SLC9B1: variants seen among roughly 807,000 people sequenced by gnomAD.
The protein encoded by SLC9B1 is solute carrier family 9 member B1.
In SLC9B1, 32 loss-of-function variants were observed where a neutral mutation model predicts 51.7. That is an observed-to-expected ratio of 0.62 (90% CI 0.47 to 0.83). The LOEUF is 0.83. Among genes scored for constraint, SLC9B1 ranks in the 40% least tolerant of loss-of-function variants. SLC9B1 has a pLI of 0.00. For missense variants in SLC9B1, 406 were observed against 613.2 expected, an observed-to-expected ratio of 0.66 and a Z score of 3.57; for synonymous variants, 145 against 212.7, an observed-to-expected ratio of 0.68 and a Z score of 2.77.
chr4:102,947,888 G>A (rs1046179597), intron 4 of SLC9B1, among the ~76,000 whole-genome samples: 8 of 147,852 alleles, frequency 5.4e-5, no homozygotes, highest in African/African-American at 2.0e-4. Context: ...TGAAATAAAT[G>A]TGAGCTCTAC....
At chr4:102,927,732 C>T (rs1011314924) in intron 7 of SLC9B1, among the ~76,000 whole-genome samples, 34 of 152,158 alleles carry the variant, frequency 2.2e-4, no homozygotes, top group African/African-American at 7.5e-4. Context: ...TGGGTATATA[C>T]CCAAAGGATT....
At chr4:102,934,831 T>G (rs1352021352) in intron 6 of SLC9B1, among the ~76,000 whole-genome samples, 1 of 151,230 alleles carries the variant, frequency 6.6e-6, no homozygotes, top group Non-Finnish European at 1.5e-5. Flanking sequence ...ACCTTTTGAA[T>G]GATACATACA....
At chr4:102,935,206 G>A (rs1463642863) in intron 6 of SLC9B1, among the ~76,000 whole-genome samples, 1 of 152,004 alleles carries the variant, frequency 6.6e-6, no homozygotes, top group Non-Finnish European at 1.5e-5. Flanking sequence ...TTACAGATAA[G>A]GAAAAGTTGA....
chr4:102,934,654 T>C (rs1403471521), intron 6 of SLC9B1, among the ~76,000 whole-genome samples: 2 of 151,386 alleles, frequency 1.3e-5, no homozygotes, highest in African/African-American at 2.4e-5. Flanking sequence ...TAGTCCCAGC[T>C]ACTTGGAAGG....
intron 3 of SLC9B1, among the ~76,000 whole-genome samples, chr4:102,983,154 T>C (rs1739442158): frequency 6.6e-6 from 1 of 152,160 alleles, no homozygotes; most frequent in African/African-American, 2.4e-5. Flanking sequence ...GATCATGTGA[T>C]TTTTCTTCCT....
intron 7 of SLC9B1, among the ~76,000 whole-genome samples, chr4:102,930,517 G>A (rs960630028): frequency 1.3e-5 from 2 of 152,160 alleles, no homozygotes; most frequent in African/African-American, 4.8e-5. Flanking sequence ...TGATTCTTCT[G>A]CTTCAGCCTC....
At position 102,946,725 on chromosome 4, in the gene SLC9B1, A is replaced by G. The variant is rs1417742896; in HGVS notation, c.447T>C (p.Pro149=). 1.2e-6 allele frequency: 2 copies of G among 1,609,808 alleles called. No homozygotes were observed. The highest frequency in any genetic ancestry group is 2.7e-5 in the African/African-American group (2 of 74,776). ...TTCTTAAAATTGAAGACCATGTGTT[A>G]GGAACATGGACATGTTCATTGATGA... ...VPFINEHVHV[P]NTWSSILRSI... is the part of the protein sequence containing the mutation. Residue 149 remains proline, a synonymous_variant, in exon 5 of 12, where the codon CCT becomes CCC. Coordinates refer to ENST00000296422, the MANE Select transcript of SLC9B1 (RefSeq NM_139173.4).
intron 6 of SLC9B1, among the ~76,000 whole-genome samples, chr4:102,935,050 TAGAG>T (rs1420149750): frequency 4.6e-5 from 7 of 152,068 alleles, no homozygotes; most frequent in South Asian, 4.1e-4. Flanking sequence ...ATACACTTCT[TAGAG>T]AGAAAAAAAA....
intron 1 of SLC9B1, among the ~76,000 whole-genome samples, chr4:103,004,585 C>A (rs1234561207): frequency 1.3e-5 from 2 of 152,052 alleles, no homozygotes; most frequent in Non-Finnish European, 2.9e-5. Context: ...TGCAGAGAAC[C>A]CTTGTGAGAT....
At chr4:102,907,680 A>C (rs965707825) in intron 9 of SLC9B1, among the ~76,000 whole-genome samples, 4 of 58,724 alleles carry the variant, frequency 6.8e-5, no homozygotes, top group African/African-American at 2.0e-4. Context: ...TGGGTTTAAC[A>C]TTTTTTTTTT....
chr4:103,004,129 T>C (rs988216471), intron 1 of SLC9B1, among the ~76,000 whole-genome samples: 1 of 152,086 alleles, frequency 6.6e-6, no homozygotes, highest in Non-Finnish European at 1.5e-5. Flanking sequence ...AGAATATGGA[T>C]AGAAATGAAC....
chr4:102,995,143 A>G (rs940089367), intron 1 of SLC9B1, among the ~76,000 whole-genome samples: 3 of 152,198 alleles, frequency 2.0e-5, no homozygotes, highest in Admixed American at 6.5e-5. Flanking sequence ...AAATTAATTT[A>G]CACACTTAAT....
chr4:102,987,952 G>A (rs1056107915), intron 3 of SLC9B1, among the ~76,000 whole-genome samples: 2 of 152,018 alleles, frequency 1.3e-5, no homozygotes, highest in South Asian at 2.1e-4. Flanking sequence ...CTTTTTATTT[G>A]TTTTTAGGAC....
Position 102,944,508 on chromosome 4 carries a change from G to A in SLC9B1, c.653+685C>T, listed in dbSNP as rs182371617. On this transcript the variant is annotated intron_variant, in intron 6 of 11. Transcript: ENST00000296422. ...TAAAGTTCTAATTTTTAAAATAAAA[G>A]TGCATTTGAGTATTTTATCATAAAC... is the stretch of plus-strand genomic sequence containing the variant. 6.6e-5 allele frequency among the ~76,000 whole-genome samples: 10 copies of A among 152,344 alleles called. No homozygotes were observed. In the East Asian group the frequency reaches 1.9e-3, roughly 29 times the overall value.
At chr4:102,999,336 G>A (rs1740396843) in intron 1 of SLC9B1, among the ~76,000 whole-genome samples, 1 of 152,158 alleles carries the variant, frequency 6.6e-6, no homozygotes, top group Non-Finnish European at 1.5e-5. Flanking sequence ...TTTGTTGCCT[G>A]TACTTTTGGC....
chr4:102,979,181 CTT>C (rs1190363653), intron 3 of SLC9B1, among the ~76,000 whole-genome samples: 1 of 152,170 alleles, frequency 6.6e-6, no homozygotes, highest in Non-Finnish European at 1.5e-5. Flanking sequence ...GTTTTCAACT[CTT>C]TTCATTTCCT....
chr4:102,975,586 A>ATATTTTT (rs1217142990), intron 3 of SLC9B1, among the ~76,000 whole-genome samples: 7 of 62,306 alleles, frequency 1.1e-4, no homozygotes, highest in African/African-American at 3.0e-4. Flanking sequence ...ATATATATAT[A>ATATTTTT]TTTTTTTTTT....
At chr4:102,938,398 A>C (rs201286114) in intron 6 of SLC9B1, among the ~76,000 whole-genome samples, 3 of 152,144 alleles carry the variant, frequency 2.0e-5, no homozygotes, top group African/African-American at 7.2e-5. Flanking sequence ...CCTATAGAGA[A>C]ACTTAGATAA....
intron 1 of SLC9B1, among the ~76,000 whole-genome samples, chr4:103,013,430 C>T (rs1182798433): frequency 6.6e-6 from 1 of 152,132 alleles, no homozygotes; most frequent in African/African-American, 2.4e-5. Context: ...GTTTCTTTCC[C>T]CTATTCATCC....
Sources: allele counts gnomAD v4.1 joint callset (sites outside exome capture counted in the v4.1 genomes callset), GRCh38; gene constraint gnomAD v4.1.1; transcripts MANE v1.5; gene names NCBI Gene and HGNC (gene_info 2026-07-23, HGNC 2026-07-21).